The following FASN variants were observed in gnomAD, a reference collection of about 807,000 sequenced individuals.
The protein encoded by FASN is 3-hydroxyacyl-[acyl-carrier-protein] dehydratase.
A neutral mutation model predicts 250.0 loss-of-function variants in FASN; 50 were observed. That is an observed-to-expected ratio of 0.20 (90% CI 0.16 to 0.25). The LOEUF (loss-of-function observed/expected upper bound fraction) is 0.25, where lower values mean the gene tolerates loss of function less well. Ranked by LOEUF, FASN falls within the 10% of genes least tolerant of loss-of-function variation. The probability of loss-of-function intolerance (pLI) is 1.00; values close to 1 mark genes in which losing one functional copy is unlikely to be tolerated. For missense variants in FASN, 3,031 were observed against 3,498.5 expected (o/e 0.87, Z 3.37); for synonymous variants, 1,909 against 1,584.0 (o/e 1.21, Z -4.87).
Position 82,089,709 on chromosome 17 carries a change from A to T in FASN, c.1888T>A (p.Cys630Ser), listed in dbSNP as rs766675014. 3 of 1,582,078 alleles carry T rather than the reference A, an allele frequency of 1.9e-6. No individual in the cohort carries two copies. The highest frequency in any genetic ancestry group is 2.6e-6 in the Non-Finnish European group (3 of 1,166,528). The stretch of plus-strand genomic sequence containing the variant: ...ACGCCCGGGGGGCAGCGCTGTTTAC[A>T]CTCCTCCCAGGACAAGCCTATGGCA... ...MAAVGLSWEE[C>S]KQRCPPGVVP... Residue 630 changes from cysteine (C) to serine (S), a missense_variant, in exon 12 of 43, where the codon TGT (cysteine) becomes AGT (serine). Coordinates refer to ENST00000306749, the MANE Select transcript of FASN (RefSeq NM_004104.5).
rs2144777196 is a variant in FASN, at chr17:82,079,292, G to A, written c.7399-12C>T. On this transcript the variant is annotated splice_polypyrimidine_tract_variant and intron_variant, in intron 42 of 42. Transcript: ENST00000306749. ...TTCCCGTCGCATACCTGCAGGGGAT[G>A]CGATCAGCTGCCGTCCCACCCCACT... The A allele has an allele frequency of 3.7e-6, 6 of 1,613,038 alleles. 1 individual carries two copies. The highest frequency in any genetic ancestry group is 3.3e-5 in the South Asian group (3 of 91,092).
Position 82,091,422 on chromosome 17 carries a change from G to A in FASN, c.1292C>T (p.Pro431Leu), listed in dbSNP as rs1326595535. Residue 431 changes from proline (P) to leucine (L), a missense_variant, in exon 9 of 43, where the codon CCT (proline) becomes CTT (leucine). Physicochemically the swap from Pro to Leu is moderately conservative, Grantham distance 98. Transcript: ENST00000306749. ...CTCCAGCAGCTTCTGCACGGCCTCAGGGGTGCGTCCGCTGGCCCGCAGCAG... is the reference window on the plus strand; with the variant it reads ...CTCCAGCAGCTTCTGCACGGCCTCAAGGGTGCGTCCGCTGGCCCGCAGCAG... The part of the protein sequence containing the change: ...PRLLRASGRT[P>L]EAVQKLLEQG... 1.2e-6 allele frequency: 2 copies of A among 1,608,996 alleles called. No homozygotes were observed. The highest frequency in any genetic ancestry group is 1.3e-5 in the African/African-American group (1 of 74,882).
intron 11 of FASN, 28 bp downstream of exon 11, chr17:82,090,347 G>A (rs769485984): frequency 2.8e-5 from 43 of 1,558,430 alleles, no homozygotes; most frequent in Non-Finnish European, 3.5e-5. Flanking sequence ...TTTCTTGGAG[G>A]TGCTGGGGGC....
rs1187942234 is a variant in FASN at position 82,079,079 on chromosome 17, GGGGGTGGGGTGGGGT to G, written c.*49_*63del. ...GGACCCTTCAATCCCGTTGCATGGC[GGGGGTGGGGTGGGGT>G]GGGGTGGGGATGGTGGAGTGACCTC... On this transcript the variant is annotated 3_prime_UTR_variant, in exon 43 of 43. Transcript: ENST00000306749. The G allele has an allele frequency of 2.0e-6, 3 of 1,492,946 alleles. No individual in the cohort carries two copies. The highest frequency in any genetic ancestry group is 1.4e-5 in the African/African-American group (1 of 70,946). The allele number at this position is 1,492,946 out of a possible 1,614,324, so 92.5% of individuals were successfully genotyped here. A position where few individuals can be genotyped will look rare whatever the true frequency, so the allele number is the denominator to read the frequency against.
In FASN at chr17:82,096,691, A is replaced by T. The variant is rs2034310001; in HGVS notation, c.-7-239T>A. ...CCCGCCTCTGGGCCCTGACCCATTC[A>T]GTTCAGGGTATTGGCTGGGGTACCC... On this transcript the variant is annotated intron_variant, in intron 1 of 42. Transcript: ENST00000306749. The T allele has an allele frequency of 5.2e-6, 3 of 573,398 alleles. No homozygotes were observed. The Admixed American group carries it at 8.4e-5, about 16-fold the overall frequency. The allele number at this position is 573,398 out of a possible 1,614,324, so 35.5% of individuals were successfully genotyped here. A position where few individuals can be genotyped will look rare whatever the true frequency, so the allele number is the denominator to read the frequency against.
Position 82,084,384 on chromosome 17 carries a change from C to A in FASN, c.4769G>T (p.Gly1590Val). The A allele has an allele frequency of 6.2e-7, 1 of 1,605,530 alleles. No individual in the cohort carries two copies. Among genetic ancestry groups the A allele is most frequent in the African/African-American group, 1.3e-5 (1 of 74,934 alleles). The change falls in exon 28 of 43, where the codon GGG (glycine) becomes GTG (valine). Residue 1590 changes from glycine (G) to valine (V), a missense_variant and splice_region_variant. Physicochemically the swap from Gly to Val is moderately radical, Grantham distance 109 (BLOSUM62 -3). Transcript: ENST00000306749. ...TGKLSPDAIP[G>V]KWTSQDSLLG... Reference sequence around the variant, plus strand: ...CAGGCTGTCCTGGGAGGTCCACTTCCCTGGGGGAGACGGCACTGAGCCCCT... The same window carrying A: ...CAGGCTGTCCTGGGAGGTCCACTTCACTGGGGGAGACGGCACTGAGCCCCT...
intron 3 of FASN, among the ~76,000 whole-genome samples, chr17:82,095,117 G>A (rs888439019): frequency 1.3e-5 from 2 of 152,332 alleles, no homozygotes; most frequent in Non-Finnish European, 2.9e-5. Flanking sequence ...GCACACCCGC[G>A]ACACCTCTGG....
At position 82,083,056 on chromosome 17, in the gene FASN, G is replaced by A; in HGVS notation, c.5625C>T (p.Ala1875=). Reference sequence around the variant, plus strand: ...GGGCCGGGCAGAAGGTCTTGGAGATGGCCGACATCAGCTTGGGTTTGGCCC... The same window carrying A: ...GGGCCGGGCAGAAGGTCTTGGAGATAGCCGACATCAGCTTGGGTTTGGCCC... ...LKGAKPKLMS[A]ISKTFCPAHK... The change falls in exon 33 of 43, where the codon GCC becomes GCT. Residue 1875 remains alanine (A), a synonymous_variant. Transcript: ENST00000306749. 2.5e-6 allele frequency: 4 copies of A among 1,612,492 alleles called. No individual in the cohort carries two copies. The highest frequency in any genetic ancestry group is 2.7e-5 in the African/African-American group (2 of 75,020).
At chr17:82,088,692 A>G in intron 15 of FASN, 69 bp downstream of exon 15, 1 of 1,519,486 alleles carries the variant, frequency 6.6e-7, no homozygotes, top group East Asian at 2.3e-5. Context: ...AGGGGCCCGC[A>G]GCCCCGCTCA....
chr17:82,080,660 A>C, intron 39 of FASN, 32 bp downstream of exon 39: 1 of 1,557,996 alleles, frequency 6.4e-7, no homozygotes, highest in Non-Finnish European at 8.7e-7. Flanking sequence ...GCCAGCACTG[A>C]CCACCGCTTC....
At chr17:82,094,403 G>A (rs763152566) in intron 3 of FASN, among the ~76,000 whole-genome samples, 16 of 151,374 alleles carry the variant, frequency 1.1e-4, no homozygotes, top group Non-Finnish European at 2.1e-4. Context: ...TAGGGTGGGT[G>A]GGTGTGTGAA....
At chr17:82,082,750 G>A (rs555713482) in intron 33 of FASN, 72 bp from the exon 34 acceptor site, 15 of 1,583,766 alleles carry the variant, frequency 9.5e-6, no homozygotes, top group Non-Finnish European at 1.3e-5. Flanking sequence ...GGCTGGGGAA[G>A]TGGGGAGCAG....
intron 22 of FASN, 89 bp downstream of exon 22, chr17:82,086,165 C>T: frequency 6.5e-7 from 1 of 1,530,852 alleles, no homozygotes; most frequent in East Asian, 2.4e-5. Context: ...CCAGGGCCCG[C>T]CCCGTGTCTG....
chr17:82,078,788 G>A lies in FASN; in HGVS notation c.*355C>T. The stretch of plus-strand genomic sequence containing the variant: ...TGAGGAGTCTTGGCAGGGTGGACAG[G>A]CCTGGGGGTCTCTACCAGCAATGCA... On this transcript the variant is annotated 3_prime_UTR_variant, in exon 43 of 43. Transcript: ENST00000306749. The surrounding 1 kb of genome is among the most constrained non-coding windows in gnomAD (Gnocchi z 5.4). 5.3e-6 allele frequency: 2 copies of A among 379,214 alleles called. No homozygotes were observed. The highest frequency in any genetic ancestry group is 6.4e-5 in the East Asian group (1 of 15,618). 23.5% of individuals were successfully genotyped at this position (379,214 alleles called of 1,614,324 possible). A position where few individuals can be genotyped will look rare whatever the true frequency, so the allele number is the denominator to read the frequency against.
At position 82,089,067 on chromosome 17, in the gene FASN, C is replaced by A; in HGVS notation, c.2206G>T (p.Val736Phe). 6.3e-7 allele frequency: 1 copy of A among 1,595,214 alleles called. No homozygotes were observed. Among genetic ancestry groups the A allele is most frequent in the South Asian group, 1.1e-5 (1 of 88,514 alleles). ...AGCACAGGGCTCACCAGGTTGTTGA[C>A]ATTGTACTCGGCGGAGGACGTGCGT... ...LARTSSAEYN[V>F]NNLVSPVLFQ... The change falls in exon 14 of 43, where the codon GTC (valine) becomes TTC (phenylalanine). Residue 736 changes from valine to phenylalanine, a missense_variant. Val to Phe is a conservative substitution (Grantham distance 50). Coordinates refer to ENST00000306749, the MANE Select transcript of FASN (RefSeq NM_004104.5).
rs2034058151 is a variant in FASN, at chr17:82,084,726, C to T, written c.4565-10G>A. ...GGCTCCTCAGGCTTGTCTAGGGAAA[C>T]AGGGAGGTGGGGCTGCTGCGGGGCC... On this transcript the variant is annotated splice_polypyrimidine_tract_variant and intron_variant, in intron 26 of 42. Coordinates refer to ENST00000306749, the MANE Select transcript of FASN (RefSeq NM_004104.5). The T allele has an allele frequency of 1.9e-6, 3 of 1,555,778 alleles. No homozygotes were observed. Among genetic ancestry groups the T allele is most frequent in the East Asian group, 2.4e-5 (1 of 41,382 alleles).
intron 38 of FASN, 84 bp downstream of exon 38, chr17:82,081,080 C>T: frequency 2.7e-6 from 4 of 1,487,532 alleles, no homozygotes; most frequent in Non-Finnish European, 3.6e-6. Context: ...GGGCGGTATG[C>T]CTGCCGGGAC....
At chr17:82,084,739 C>T in intron 26 of FASN, 23 bp from the exon 27 acceptor site, 1 of 1,551,456 alleles carries the variant, frequency 6.4e-7, no homozygotes, top group Non-Finnish European at 8.7e-7. Context: ...GGAGGTGGGG[C>T]TGCTGCGGGG....
Position 82,082,646 on chromosome 17 carries a change from GCCT to G in FASN, c.5797_5799del (p.Arg1934del). On this transcript the variant is annotated inframe_deletion, in exon 34 of 43. Transcript: ENST00000306749. ...GACACCTGCACCTGTACGCCCTGGC[GCCT>G]CCACCGGCGGACCTGCTTGGCCTGG... 1.2e-6 allele frequency: 2 copies of G among 1,610,248 alleles called. No individual in the cohort carries two copies. The highest frequency in any genetic ancestry group is 1.7e-6 in the Non-Finnish European group (2 of 1,179,874).
Sources: allele counts gnomAD v4.1 joint callset (sites outside exome capture counted in the v4.1 genomes callset), GRCh38; gene constraint gnomAD v4.1.1; non-coding constraint Gnocchi (gnomAD v3.1); transcripts MANE v1.5; gene names NCBI Gene and HGNC (gene_info 2026-07-23, HGNC 2026-07-21).